The following DLGAP2 variants were observed in gnomAD, a reference collection of about 807,000 sequenced individuals.
DLGAP2 encodes disks large-associated protein 2.
A neutral mutation model predicts 100.3 loss-of-function variants in DLGAP2; 26 were observed. The ratio of observed to expected loss-of-function variants is 0.26; its 90% CI spans 0.19 to 0.36. The LOEUF (loss-of-function observed/expected upper bound fraction) is 0.36. Among genes scored for constraint, DLGAP2 ranks in the 10% least tolerant of loss-of-function variants. The pLI, the probability that DLGAP2 is intolerant of heterozygous loss-of-function variation, is 1.00. For synonymous variants in DLGAP2, 886 were observed against 630.1 expected (o/e 1.41, Z -6.08); for missense variants, 1,858 against 1,453.2 (o/e 1.28, Z -4.53).
chr8:1,168,089 T>G (rs1203386500), intron 2 of DLGAP2, among the ~76,000 whole-genome samples: 1 of 136,756 alleles, frequency 7.3e-6, no homozygotes, highest in African/African-American at 2.7e-5. Flanking sequence ...TGTCCACGTG[T>G]TCTCATTGTT....
intron 2 of DLGAP2, among the ~76,000 whole-genome samples, chr8:1,197,767 G>T (rs569412010): frequency 1.3e-5 from 2 of 152,350 alleles, no homozygotes; most frequent in Non-Finnish European, 2.9e-5. Context: ...GAGGGTCTGG[G>T]CCACCAGATG....
At chr8:944,572 A>G (rs1192063626) in intron 2 of DLGAP2, among the ~76,000 whole-genome samples, 1 of 151,470 alleles carries the variant, frequency 6.6e-6, no homozygotes, top group Non-Finnish European at 1.5e-5. Context: ...AGTGGGTGGT[A>G]ACATCCCTGC....
Position 1,468,597 on chromosome 8 carries a change from C to T in DLGAP2, c.107-32769C>T, listed in dbSNP as rs567918037. Among the ~76,000 whole-genome samples, 17 of 152,322 alleles carry T rather than the reference C, an allele frequency of 1.1e-4. No homozygotes were observed. In the South Asian group the frequency reaches 3.1e-3, roughly 28 times the overall value. ...GCCACCAGGTCAGGACCCCGGCATCCCTCCACCCTTGAAGGAAACCTGGGA... is the reference window on the plus strand; with the variant it reads ...GCCACCAGGTCAGGACCCCGGCATCTCTCCACCCTTGAAGGAAACCTGGGA... On this transcript the variant is annotated intron_variant, in intron 3 of 14. Transcript: ENST00000637795.
At chr8:1,382,861 C>A (rs1796128068) in intron 3 of DLGAP2, among the ~76,000 whole-genome samples, 2 of 152,250 alleles carry the variant, frequency 1.3e-5, no homozygotes, top group East Asian at 1.9e-4. Flanking sequence ...ATATCCCCCC[C>A]AAAAAAGTTC....
rs3080806 is a variant in DLGAP2, at chr8:1,135,503, G to GTTTTTTTTTTTTTTTTTTT, written c.74-123342_74-123324dup. The stretch of plus-strand genomic sequence containing the variant: ...GGATCCTAGAAGGGTTTTTTTGTGG[G>GTTTTTTTTTTTTTTTTTTT]TTTTTTTTTTTTTTTTTTTTTTTTG... On this transcript the variant is annotated intron_variant, in intron 2 of 14. Coordinates refer to ENST00000637795, the MANE Select transcript of DLGAP2 (RefSeq NM_001346810.2). 9.8e-5 allele frequency among the ~76,000 whole-genome samples: 9 copies of GTTTTTTTTTTTTTTTTTTT among 92,194 alleles called. 1 individual carries two copies. In the East Asian group the frequency reaches 1.1e-3, roughly 12 times the overall value. The allele number at this position is 92,194 out of a possible 152,430, so 60.5% of individuals were successfully genotyped here. A position where few individuals can be genotyped will look rare whatever the true frequency, so the allele number is the denominator to read the frequency against.
intron 2 of DLGAP2, among the ~76,000 whole-genome samples, chr8:912,113 A>G (rs1223178561): frequency 6.6e-6 from 1 of 152,232 alleles, no homozygotes; most frequent in Non-Finnish European, 1.5e-5. Context: ...ACTGCCACGA[A>G]TAATTAGAAG....
chr8:1,605,302 C>T (rs779615944), intron 6 of DLGAP2, among the ~76,000 whole-genome samples: 1 of 152,100 alleles, frequency 6.6e-6, no homozygotes, highest in South Asian at 2.1e-4. Flanking sequence ...CAATTTGAGC[C>T]GAAGATGGTT....
chr8:818,317 G>A (rs934506652), intron 1 of DLGAP2, among the ~76,000 whole-genome samples: 12 of 152,164 alleles, frequency 7.9e-5, no homozygotes, highest in African/African-American at 1.9e-4. Flanking sequence ...CCACTCCCAC[G>A]CAGCCCGCTG....
chr8:1,362,124 A>G (rs970256939), intron 3 of DLGAP2, among the ~76,000 whole-genome samples: 3 of 152,134 alleles, frequency 2.0e-5, no homozygotes, highest in Non-Finnish European at 2.9e-5. Context: ...TTCAAACCCA[A>G]TTCTGTGATC....
At chr8:1,323,562 C>T (rs1800954887) in intron 3 of DLGAP2, among the ~76,000 whole-genome samples, 1 of 152,188 alleles carries the variant, frequency 6.6e-6, no homozygotes, top group African/African-American at 2.4e-5. Flanking sequence ...CCTGCTGAAC[C>T]AGGATTCGAA....
At chr8:1,191,654 A>G (rs1398114287) in intron 2 of DLGAP2, among the ~76,000 whole-genome samples, 1 of 151,878 alleles carries the variant, frequency 6.6e-6, no homozygotes, top group Non-Finnish European at 1.5e-5. Context: ...TGAGCAGACA[A>G]AGCTTCAAAA....
intron 6 of DLGAP2, chr8:1,621,935 C>T (rs1439341669): frequency 6.6e-6 from 1 of 152,214 alleles, no homozygotes; most frequent in African/African-American, 2.4e-5. Context: ...AGGGAACAAG[C>T]ATGCCTTCAT....
chr8:945,445 A>G (rs1308792053), intron 2 of DLGAP2, among the ~76,000 whole-genome samples: 1 of 151,968 alleles, frequency 6.6e-6, no homozygotes, highest in East Asian at 1.9e-4. Context: ...TTATTGTTAG[A>G]CTTTAAATTT....
At chr8:1,047,123 C>G (rs1802538053) in intron 2 of DLGAP2, among the ~76,000 whole-genome samples, 1 of 152,218 alleles carries the variant, frequency 6.6e-6, no homozygotes, top group Non-Finnish European at 1.5e-5. Flanking sequence ...AAACCCCTAA[C>G]TGGTTGGCAG....
At chr8:915,547 T>TA (rs11298869) in intron 2 of DLGAP2, among the ~76,000 whole-genome samples, 32 of 142,592 alleles carry the variant, frequency 2.2e-4, no homozygotes, top group African/African-American at 2.6e-4. Flanking sequence ...ACTCCATCTC[T>TA]AAAAAAAAAA....
chr8:1,328,818 C>G (rs752232973), intron 3 of DLGAP2, among the ~76,000 whole-genome samples: 2 of 152,308 alleles, frequency 1.3e-5, no homozygotes, highest in South Asian at 4.1e-4. Context: ...TTATGCAGAG[C>G]TGTGTTTCTG....
intron 1 of DLGAP2, among the ~76,000 whole-genome samples, chr8:787,427 C>T (rs1821899289): frequency 6.6e-6 from 1 of 152,230 alleles, no homozygotes; most frequent in African/African-American, 2.4e-5. Flanking sequence ...CTTCTAACTT[C>T]TCTCCGCTTC....
chr8:1,553,784 G>T (rs902764930), intron 5 of DLGAP2, among the ~76,000 whole-genome samples: 1 of 152,156 alleles, frequency 6.6e-6, no homozygotes, highest in Non-Finnish European at 1.5e-5. Context: ...TCTGAACGAC[G>T]TGTCTGTTTT....
At chr8:955,134 G>A (rs76855386) in intron 2 of DLGAP2, among the ~76,000 whole-genome samples, 3 of 152,074 alleles carry the variant, frequency 2.0e-5, no homozygotes, top group African/African-American at 4.8e-5. Context: ...GACACCAGGC[G>A]TCATCACCTG....
Sources: gnomAD v4.1 joint callset for allele counts (sites outside exome capture counted in the v4.1 genomes callset) on GRCh38, gnomAD v4.1.1 for gene constraint, MANE v1.5 for transcripts, NCBI Gene and HGNC (gene_info 2026-07-23, HGNC 2026-07-21) for gene names.